The following PAPPA2 variants were observed in gnomAD, a reference collection of about 807,000 sequenced individuals.
PAPPA2 encodes pappalysin-2.
PAPPA2 carries 86 observed loss-of-function variants against 176.4 expected under a neutral mutation model. That is an observed-to-expected ratio of 0.49 (90% CI 0.41 to 0.58). PAPPA2 has a LOEUF of 0.58. PAPPA2 is among the 20% of genes least tolerant of loss of function. The probability of loss-of-function intolerance (pLI) is 0.00; values close to 1 mark genes in which losing one functional copy is unlikely to be tolerated. For missense variants in PAPPA2, 2,073 were observed against 2,256.9 expected (o/e 0.92, Z 1.65); for synonymous variants, 809 against 852.2 (o/e 0.95, Z 0.88).
chr1:176,530,914 T>C (rs112315105), intron 1 of PAPPA2, among the ~76,000 whole-genome samples: 8,470 of 152,316 alleles, frequency 0.056, 263 homozygotes, highest in African/African-American at 0.074. Context: ...TCTTTTCTTT[T>C]TATCCCTACA....
intron 3 of PAPPA2, among the ~76,000 whole-genome samples, chr1:176,667,964 G>T (rs1415276250): frequency 2.0e-5 from 3 of 152,144 alleles, no homozygotes; most frequent in African/African-American, 4.8e-5. Flanking sequence ...TGTGGCTGGA[G>T]AGCCAGCTGT....
At chr1:176,597,252 T>C (rs1303858870) in intron 3 of PAPPA2, among the ~76,000 whole-genome samples, 1 of 152,250 alleles carries the variant, frequency 6.6e-6, no homozygotes. Context: ...AAACTAGGGA[T>C]GATTGCAGTA....
At chr1:176,579,743 T>A (rs1455546454) in intron 2 of PAPPA2, among the ~76,000 whole-genome samples, 3 of 152,232 alleles carry the variant, frequency 2.0e-5, no homozygotes, top group Non-Finnish European at 4.4e-5. Context: ...GATACCTTAC[T>A]GGCATTTGCT....
chr1:176,667,417 G>A (rs1276341647), intron 3 of PAPPA2, among the ~76,000 whole-genome samples: 2 of 152,062 alleles, frequency 1.3e-5, no homozygotes, highest in East Asian at 1.9e-4. Context: ...AGGAAGTGGG[G>A]AGTATATGGG....
chr1:176,473,118 C>G (rs1651956956), intron 1 of PAPPA2, among the ~76,000 whole-genome samples: 1 of 152,062 alleles, frequency 6.6e-6, no homozygotes, highest in Admixed American at 6.6e-5. Flanking sequence ...GATATGTATC[C>G]ACAATTATAA....
rs1660553197 is a variant in PAPPA2, at chr1:176,699,601, A to G, written c.3236+12A>G. 6.3e-7 allele frequency: 1 copy of G among 1,590,432 alleles called. No individual in the cohort carries two copies. The highest frequency in any genetic ancestry group is 8.6e-7 in the Non-Finnish European group (1 of 1,164,174). ...AAGTTCACGGACGTGTGAGTTTGGT[A>G]GCATGACTATGGGGCTTCCTGAGGC... On this transcript the variant is annotated intron_variant, in intron 8 of 22. Coordinates refer to ENST00000367662, the MANE Select transcript of PAPPA2 (RefSeq NM_020318.3).
At chr1:176,499,053 A>T (rs1414895577) in intron 1 of PAPPA2, among the ~76,000 whole-genome samples, 9 of 152,080 alleles carry the variant, frequency 5.9e-5, no homozygotes, top group Admixed American at 5.9e-4. Context: ...AAGTGAGAAA[A>T]TCCTACCTAG....
chr1:176,604,734 C>CT (rs1215471780), intron 3 of PAPPA2, among the ~76,000 whole-genome samples: 1 of 152,140 alleles, frequency 6.6e-6, no homozygotes, highest in Admixed American at 6.5e-5. Flanking sequence ...TTGCACAAGA[C>CT]TTTAGTTTCT....
At chr1:176,745,080 C>A (rs921838150) in intron 14 of PAPPA2, among the ~76,000 whole-genome samples, 1 of 152,110 alleles carries the variant, frequency 6.6e-6, no homozygotes, top group African/African-American at 2.4e-5. Context: ...AGTTATCAGT[C>A]AATTTGTTTG....
In PAPPA2 at chr1:176,468,320, G is replaced by A. The variant is rs1351444318; in HGVS notation, c.-917+4902G>A. ...CTTTGTTGATGTGGGAAGAGCATTTGGGTGTTTAACCAGCACCAGGAAAAG... is the reference window on the plus strand; with the variant it reads ...CTTTGTTGATGTGGGAAGAGCATTTAGGTGTTTAACCAGCACCAGGAAAAG... On this transcript the variant is annotated intron_variant, in intron 1 of 22. Coordinates refer to ENST00000367662, the MANE Select transcript of PAPPA2 (RefSeq NM_020318.3). 1.4e-4 allele frequency among the ~76,000 whole-genome samples: 22 copies of A among 152,092 alleles called. 1 individual carries two copies. Among genetic ancestry groups the A allele is most frequent in the Admixed American group, 1.4e-3 (22 of 15,270 alleles).
chr1:176,739,674 A>G lies in PAPPA2; in HGVS notation c.3847A>G (p.Thr1283Ala), dbSNP rs1002257571. The change falls in exon 13 of 23, where the codon ACA becomes GCA. Residue 1283 changes from threonine (T) to alanine (A), a missense_variant. Coordinates refer to ENST00000367662, the MANE Select transcript of PAPPA2 (RefSeq NM_020318.3). ...GEARAIFIFLTTDGLVPGEHQ... is the reference protein window; with the variant it reads ...GEARAIFIFLATDGLVPGEHQ... ...GGCCAGAGCAATTTTTATTTTTTTG[A>G]CAACTGATGGCCTAGTTCCCGGAGA... 6.2e-7 allele frequency: 1 copy of G among 1,613,574 alleles called. No homozygotes were observed. The highest frequency in any genetic ancestry group is 8.5e-7 in the Non-Finnish European group (1 of 1,179,756).
chr1:176,648,413 G>A (rs1457033759), intron 3 of PAPPA2, among the ~76,000 whole-genome samples: 1 of 151,396 alleles, frequency 6.6e-6, no homozygotes, highest in African/African-American at 2.4e-5. Flanking sequence ...TTTCTAGTTT[G>A]GATGCCCTTT....
At chr1:176,490,980 G>A (rs757352614) in intron 1 of PAPPA2, among the ~76,000 whole-genome samples, 2 of 152,190 alleles carry the variant, frequency 1.3e-5, no homozygotes, top group Non-Finnish European at 2.9e-5. Flanking sequence ...CCTGAAACCT[G>A]ATTTACACAT....
intron 12 of PAPPA2, among the ~76,000 whole-genome samples, chr1:176,736,192 G>T (rs927886514): frequency 2.6e-5 from 4 of 152,004 alleles, no homozygotes; most frequent in Admixed American, 6.6e-5. Flanking sequence ...GATCAGAAGA[G>T]TGTCATACTT....
intron 12 of PAPPA2, among the ~76,000 whole-genome samples, chr1:176,733,282 T>A (rs868071098): frequency 1.3e-5 from 2 of 152,174 alleles, no homozygotes; most frequent in South Asian, 4.1e-4. Context: ...TCTAAAATGA[T>A]CTTGTGCTTC....
chr1:176,607,420 T>C (rs907599938), intron 3 of PAPPA2, among the ~76,000 whole-genome samples: 2 of 152,128 alleles, frequency 1.3e-5, no homozygotes, highest in African/African-American at 4.8e-5. Flanking sequence ...CTTTGTGAGG[T>C]CAACTTTTTT....
chr1:176,485,502 C>A (rs1310275582), intron 1 of PAPPA2, among the ~76,000 whole-genome samples: 1 of 152,162 alleles, frequency 6.6e-6, no homozygotes, highest in Non-Finnish European at 1.5e-5. Context: ...CTCAGGGAAG[C>A]ATTTTCTTAT....
chr1:176,794,547 G>GTTTAGTT (rs1418693438), intron 20 of PAPPA2, among the ~76,000 whole-genome samples: 1 of 152,128 alleles, frequency 6.6e-6, no homozygotes, highest in Non-Finnish European at 1.5e-5. Context: ...GTGTGTATAT[G>GTTTAGTT]TGTGCACGTG....
In PAPPA2 at chr1:176,557,154, G is replaced by A; in HGVS notation, c.832G>A (p.Val278Met). ...GGAGCGGCTGCTGCTGCGTCCAGAAGTGCTGGCTGAGATTCCCCGGGAGGC... is the reference window on the plus strand; with the variant it reads ...GGAGCGGCTGCTGCTGCGTCCAGAAATGCTGGCTGAGATTCCCCGGGAGGC... Reference protein sequence around the residue: ...RRERLLLRPEVLAEIPREAFT... With the variant: ...RRERLLLRPEMLAEIPREAFT... Residue 278 changes from valine to methionine, a missense_variant, in exon 2 of 23, where the codon GTG becomes ATG. Physicochemically the swap from Val to Met is conservative, Grantham distance 21. Transcript: ENST00000367662. 1 of 1,613,994 alleles carries A rather than the reference G, an allele frequency of 6.2e-7. No homozygotes were observed. Among genetic ancestry groups the A allele is most frequent in the East Asian group, 2.2e-5 (1 of 44,840 alleles).
Sources: gnomAD v4.1 joint callset for allele counts (sites outside exome capture counted in the v4.1 genomes callset) on GRCh38, gnomAD v4.1.1 for gene constraint, MANE v1.5 for transcripts, NCBI Gene and HGNC (gene_info 2026-07-23, HGNC 2026-07-21) for gene names.